The following AKT3 variants were observed in gnomAD, a reference collection of about 807,000 sequenced individuals.
AKT3 encodes the protein RAC-gamma serine/threonine-protein kinase.
In AKT3, 15 loss-of-function variants were observed where a neutral mutation model predicts 65.3. The observed-to-expected ratio is 0.23, with a 90% confidence interval of 0.15 to 0.35. The LOEUF is 0.35. Ranked by LOEUF, AKT3 falls within the 10% of genes least tolerant of loss-of-function variation. The probability of loss-of-function intolerance (pLI) is 1.00; values close to 1 mark genes in which losing one functional copy is unlikely to be tolerated. For synonymous variants in AKT3, 206 were observed against 183.8 expected (o/e 1.12, Z -0.98); for missense variants, 243 against 576.5 (o/e 0.42, Z 5.92).
chr1:243,579,975 T>G (rs528146692), intron 8 of AKT3, among the ~76,000 whole-genome samples: 127 of 152,308 alleles, frequency 8.3e-4, no homozygotes, highest in Non-Finnish European at 1.4e-3. Flanking sequence ...GTGTAAGTGG[T>G]TATCTAGTCT....
chr1:243,699,676 A>ACACACCCTAATCCCCT (rs2148038553), intron 2 of AKT3, among the ~76,000 whole-genome samples: 1 of 151,628 alleles, frequency 6.6e-6, no homozygotes, highest in East Asian at 1.9e-4. Flanking sequence ...CGAATGATGT[A>ACACACCCTAATCCCCT]CGCACCCTAA....
chr1:243,559,235 A>G (rs1293236339), intron 10 of AKT3, among the ~76,000 whole-genome samples: 1 of 152,164 alleles, frequency 6.6e-6, no homozygotes, highest in South Asian at 2.1e-4. Context: ...AAAACTATAC[A>G]TACAAATGCA....
At chr1:243,822,180 G>A (rs1165499183) in intron 2 of AKT3, among the ~76,000 whole-genome samples, 1 of 152,086 alleles carries the variant, frequency 6.6e-6, no homozygotes, top group Non-Finnish European at 1.5e-5. Context: ...AATGACTCCT[G>A]GGTAAATAAT....
intron 3 of AKT3, 55 bp downstream of exon 3, chr1:243,695,536 T>C (rs1685007172): frequency 6.7e-7 from 1 of 1,487,942 alleles, no homozygotes. Context: ...ATCTGACACA[T>C]AAAATCATAA....
intron 2 of AKT3, among the ~76,000 whole-genome samples, chr1:243,799,220 G>A (rs943770458): frequency 6.6e-6 from 1 of 152,040 alleles, no homozygotes; most frequent in Non-Finnish European, 1.5e-5. Context: ...GAATGGGTGG[G>A]GAAAAATGCA....
intron 12 of AKT3, among the ~76,000 whole-genome samples, chr1:243,542,637 T>C (rs536278084): frequency 1.6e-4 from 24 of 152,288 alleles, no homozygotes; most frequent in African/African-American, 5.8e-4. Flanking sequence ...ATTTTAAAGA[T>C]ATAAGGACTC....
chr1:243,574,809 C>T (rs1358951707), intron 8 of AKT3, among the ~76,000 whole-genome samples: 1 of 152,024 alleles, frequency 6.6e-6, no homozygotes, highest in Non-Finnish European at 1.5e-5. Flanking sequence ...TGTGGAGTTG[C>T]AGTAGTCTTC....
In AKT3 at chr1:243,850,035, G is replaced by C. The variant is rs913841550; in HGVS notation, c.-113+5C>G. ...GGGGCTAGAGTTGGGGGCGGTGGCT[G>C]TTACCTGCAACGGCGGCGGCGGCGG... is the stretch of plus-strand genomic sequence containing the variant. On this transcript the variant is annotated splice_donor_5th_base_variant and intron_variant, in intron 1 of 13. Coordinates refer to ENST00000673466, the MANE Select transcript of AKT3 (RefSeq NM_005465.7). The C allele has an allele frequency of 9.1e-6, 9 of 986,614 alleles. No individual in the cohort carries two copies. The highest frequency in any genetic ancestry group is 1.1e-5 in the Non-Finnish European group (9 of 831,650). 61.1% of individuals were successfully genotyped at this position (986,614 alleles called of 1,614,324 possible). A position where few individuals can be genotyped will look rare whatever the true frequency, so the allele number is the denominator to read the frequency against.
At chr1:243,684,161 CT>C (rs571243072) in intron 3 of AKT3, among the ~76,000 whole-genome samples, 12 of 151,682 alleles carry the variant, frequency 7.9e-5, no homozygotes, top group South Asian at 2.1e-4. Flanking sequence ...ATGTTTTTTA[CT>C]TTTTTTTATT....
At position 243,843,114 on chromosome 1, in the gene AKT3, G is replaced by C. The variant is rs189753475; in HGVS notation, c.46+11C>G. On this transcript the variant is annotated intron_variant, in intron 2 of 13. Coordinates refer to ENST00000673466, the MANE Select transcript of AKT3 (RefSeq NM_005465.7). ...ACCAACCGTATTATTTTTGGTTTGC[G>C]GAGCACTTACCCCTCTTCTGAACCC... The C allele has an allele frequency of 3.1e-6, 5 of 1,613,120 alleles. No homozygotes were observed. The highest frequency in any genetic ancestry group is 1.3e-5 in the African/African-American group (1 of 74,870).
At chr1:243,638,422 C>T (rs1023704337) in intron 5 of AKT3, among the ~76,000 whole-genome samples, 4 of 152,082 alleles carry the variant, frequency 2.6e-5, no homozygotes, top group Admixed American at 6.6e-5. Context: ...GCCAGTCACA[C>T]GTGCCACTTG....
intron 4 of AKT3, among the ~76,000 whole-genome samples, chr1:243,647,539 G>C (rs1558681629): frequency 6.6e-6 from 1 of 151,934 alleles, no homozygotes; most frequent in Non-Finnish European, 1.5e-5. Context: ...TATTGTGGAG[G>C]GTTTTATTTC....
At chr1:243,663,672 A>G (rs1278748573) in intron 4 of AKT3, among the ~76,000 whole-genome samples, 1 of 152,236 alleles carries the variant, frequency 6.6e-6, no homozygotes, top group African/African-American at 2.4e-5. Context: ...TATTAAAATA[A>G]TACTTTACCA....
chr1:243,654,317 C>T (rs1681599578), intron 4 of AKT3, among the ~76,000 whole-genome samples: 1 of 152,136 alleles, frequency 6.6e-6, no homozygotes, highest in Non-Finnish European at 1.5e-5. Context: ...AATTAAAACA[C>T]AACATAAATT....
chr1:243,794,076 T>C (rs969196976), intron 2 of AKT3, among the ~76,000 whole-genome samples: 6 of 152,218 alleles, frequency 3.9e-5, no homozygotes, highest in African/African-American at 1.4e-4. Context: ...TCACCCAGGG[T>C]ACAGTGCAGT....
chr1:243,572,959 T>C lies in AKT3; in HGVS notation c.786A>G (p.Leu262=), dbSNP rs760782557. The C allele has an allele frequency of 2.5e-6, 4 of 1,612,920 alleles. No individual in the cohort carries two copies. Among genetic ancestry groups the C allele is most frequent in the Non-Finnish European group, 2.5e-6 (3 of 1,179,470 alleles). Residue 262 remains leucine (L), a synonymous_variant, in exon 9 of 14, where the codon CTA becomes CTG. Coordinates refer to ENST00000673466, the MANE Select transcript of AKT3 (RefSeq NM_005465.7). ...GAEIVSALDY[L]HSGKIVYRDL... ...CACGGTACACAATCTTTCCGGAATG[T>C]AGATAGTCCAAGGCAGAGACAATTT...
chr1:243,691,535 A>G (rs1273346111), intron 3 of AKT3, among the ~76,000 whole-genome samples: 1 of 152,176 alleles, frequency 6.6e-6, no homozygotes, highest in Non-Finnish European at 1.5e-5. Context: ...GGGTGATTAT[A>G]GAAAAGGATC....
chr1:243,850,564 C>T (rs1695738146), upstream of AKT3, among the ~76,000 whole-genome samples: 2 of 151,636 alleles, frequency 1.3e-5, no homozygotes, highest in Admixed American at 6.6e-5. Flanking sequence ...CCCCTCCTTC[C>T]TCCCGCTCGG....
At chr1:243,806,629 T>G (rs1692743971) in intron 2 of AKT3, among the ~76,000 whole-genome samples, 1 of 152,210 alleles carries the variant, frequency 6.6e-6, no homozygotes, top group African/African-American at 2.4e-5. Flanking sequence ...TATTATCTAG[T>G]GTGATTCCTT....
Sources: gnomAD v4.1 joint callset for allele counts (sites outside exome capture counted in the v4.1 genomes callset) on GRCh38, gnomAD v4.1.1 for gene constraint, MANE v1.5 for transcripts, NCBI Gene and HGNC (gene_info 2026-07-23, HGNC 2026-07-21) for gene names.